The following ADAMTS20 variants were observed in gnomAD, a reference collection of about 807,000 sequenced individuals.
ADAMTS20 encodes ADAM metallopeptidase with thrombospondin type 1 motif 20, also known as A disintegrin and metalloproteinase with thrombospondin motifs 20.
A neutral mutation model predicts 260.1 loss-of-function variants in ADAMTS20; 225 were observed. That is an observed-to-expected ratio of 0.87 (90% CI 0.78 to 0.97). ADAMTS20 has a LOEUF of 0.97. Among genes scored for constraint, ADAMTS20 ranks in the 50% least tolerant of loss-of-function variants. The probability of loss-of-function intolerance (pLI) is 0.00; values close to 1 mark genes in which losing one functional copy is unlikely to be tolerated. For missense variants in ADAMTS20, 2,400 were observed against 2,337.7 expected, an observed-to-expected ratio of 1.03 and a Z score of -0.55; for synonymous variants, 802 against 769.5, an observed-to-expected ratio of 1.04 and a Z score of -0.70.
chr12:43,462,151 C>T (rs1942075054), intron 11 of ADAMTS20, among the ~76,000 whole-genome samples: 1 of 152,156 alleles, frequency 6.6e-6, no homozygotes, highest in South Asian at 2.1e-4. Context: ...AGCAGTTTAT[C>T]TTTTTTGGCT....
intron 2 of ADAMTS20, among the ~76,000 whole-genome samples, chr12:43,533,516 A>C (rs1943254727): frequency 1.6e-5 from 1 of 63,874 alleles, no homozygotes; most frequent in Non-Finnish European, 3.6e-5. Flanking sequence ...GCTCATGGGT[A>C]GGAAGAATCA....
chr12:43,523,790 G>T (rs1177799049), intron 3 of ADAMTS20, among the ~76,000 whole-genome samples: 1 of 152,048 alleles, frequency 6.6e-6, no homozygotes, highest in Admixed American at 6.5e-5. Context: ...GTTGTTCCTT[G>T]CCGCACACTC....
chr12:43,460,751 A>T (rs1206510129), intron 11 of ADAMTS20, among the ~76,000 whole-genome samples: 7 of 151,894 alleles, frequency 4.6e-5, no homozygotes, highest in African/African-American at 1.7e-4. Flanking sequence ...GGTATAAAGG[A>T]ATGAACTGCT....
chr12:43,366,246 A>C (rs1939983320), intron 37 of ADAMTS20, among the ~76,000 whole-genome samples: 1 of 151,922 alleles, frequency 6.6e-6, no homozygotes, highest in Admixed American at 6.6e-5. Flanking sequence ...ATAAAGAAGA[A>C]TATTTTATAA....
At chr12:43,469,995 C>A (rs570592053) in intron 7 of ADAMTS20, among the ~76,000 whole-genome samples, 1 of 152,156 alleles carries the variant, frequency 6.6e-6, no homozygotes, top group East Asian at 1.9e-4. Flanking sequence ...AGAAAACGAG[C>A]TTTTTCCTTA....
chr12:43,417,874 A>G (rs1256000277), intron 28 of ADAMTS20, among the ~76,000 whole-genome samples: 2 of 152,218 alleles, frequency 1.3e-5, no homozygotes, highest in South Asian at 2.1e-4. Flanking sequence ...TCTGTCATCC[A>G]CTTTCAGTGT....
At chr12:43,432,527 A>G (rs538787712) in intron 20 of ADAMTS20, 59 bp from the exon 21 acceptor site, 1 of 1,596,292 alleles carries the variant, frequency 6.3e-7, no homozygotes, top group Admixed American at 1.8e-5. Context: ...CAACAAAATT[A>G]TACTTCAGAG....
intron 28 of ADAMTS20, among the ~76,000 whole-genome samples, chr12:43,419,581 A>G (rs1412800762): frequency 3.3e-5 from 5 of 152,198 alleles, no homozygotes; most frequent in Non-Finnish European, 5.9e-5. Context: ...TGCCTGAAAA[A>G]TAGGAGAACT....
At chr12:43,498,280 A>T (rs1198170092) in intron 4 of ADAMTS20, among the ~76,000 whole-genome samples, 1 of 152,234 alleles carries the variant, frequency 6.6e-6, no homozygotes, top group Non-Finnish European at 1.5e-5. Context: ...CACTGCACTC[A>T]GGTATTTCGT....
intron 28 of ADAMTS20, among the ~76,000 whole-genome samples, chr12:43,407,742 C>A (rs777692068): frequency 5.9e-5 from 9 of 152,102 alleles, no homozygotes; most frequent in Non-Finnish European, 1.0e-4. Context: ...GATAAAGAAT[C>A]ATTTCAAACC....
chr12:43,391,149 C>G (rs1251981468), intron 29 of ADAMTS20, among the ~76,000 whole-genome samples: 2 of 152,206 alleles, frequency 1.3e-5, no homozygotes, highest in African/African-American at 4.8e-5. Context: ...TGCCTTCTCA[C>G]TGTGTCGTCA....
rs368409980 is a variant in ADAMTS20, at chr12:43,464,769, A to G, written c.1368-37T>C. ...ACAGAAAATAAAATATTGTGAATAC[A>G]CATGGATGCATTCCAGTATGATTCT... On this transcript the variant is annotated intron_variant, in intron 9 of 38. Coordinates refer to ENST00000389420, the MANE Select transcript of ADAMTS20 (RefSeq NM_025003.5). 7 of 1,581,972 alleles carry G rather than the reference A, an allele frequency of 4.4e-6. No individual in the cohort carries two copies. In the African/African-American group the frequency reaches 9.5e-5, roughly 21 times the overall value.
intron 28 of ADAMTS20, among the ~76,000 whole-genome samples, chr12:43,418,819 T>C (rs1439808605): frequency 6.6e-6 from 1 of 152,166 alleles, no homozygotes; most frequent in African/African-American, 2.4e-5. Context: ...ACCTGGAAAA[T>C]AGAAATTTGT....
At chr12:43,434,188 A>C in intron 19 of ADAMTS20, 57 bp downstream of exon 19, 2 of 1,500,482 alleles carry the variant, frequency 1.3e-6, no homozygotes, top group Non-Finnish European at 1.8e-6. Flanking sequence ...TGTGTTAGAC[A>C]TTTTAATCTT....
chr12:43,472,410 C>A (rs1277453749), intron 7 of ADAMTS20, among the ~76,000 whole-genome samples: 1 of 140,826 alleles, frequency 7.1e-6, no homozygotes, highest in Non-Finnish European at 1.5e-5. Flanking sequence ...GGAAAACACT[C>A]TGCAGGATAT....
At chr12:43,489,744 C>T (rs1255024010) in intron 7 of ADAMTS20, among the ~76,000 whole-genome samples, 1 of 151,842 alleles carries the variant, frequency 6.6e-6, no homozygotes, top group Non-Finnish European at 1.5e-5. Flanking sequence ...TACCCTAGCT[C>T]TTCCAGTGAA....
At chr12:43,364,872 C>A (rs1326650158) in intron 37 of ADAMTS20, among the ~76,000 whole-genome samples, 1 of 151,936 alleles carries the variant, frequency 6.6e-6, no homozygotes, top group Non-Finnish European at 1.5e-5. Context: ...GAAAACTTTC[C>A]AAAATCAGTG....
chr12:43,476,767 T>G (rs1942360245), intron 7 of ADAMTS20, among the ~76,000 whole-genome samples: 1 of 143,896 alleles, frequency 6.9e-6, no homozygotes, highest in Non-Finnish European at 1.5e-5. Context: ...ACACCGTATA[T>G]TCTCACTCAT....
chr12:43,388,339 G>A (rs1320823528), intron 29 of ADAMTS20, among the ~76,000 whole-genome samples: 1 of 152,146 alleles, frequency 6.6e-6, no homozygotes, highest in African/African-American at 2.4e-5. Context: ...GCCTGCTTCT[G>A]TTCACCCTCC....
Sources: gnomAD v4.1 joint callset for allele counts (sites outside exome capture counted in the v4.1 genomes callset) on GRCh38, gnomAD v4.1.1 for gene constraint, MANE v1.5 for transcripts, NCBI Gene and HGNC (gene_info 2026-07-23, HGNC 2026-07-21) for gene names.